The following CACHD1 variants were observed in gnomAD, a reference collection of about 807,000 sequenced individuals.
CACHD1 encodes cache domain containing 1, also known as VWFA and cache domain-containing protein 1.
In CACHD1, 71 loss-of-function variants were observed where a neutral mutation model predicts 138.7. That is an observed-to-expected ratio of 0.51 (90% CI 0.42 to 0.62). The LOEUF is 0.62. Ranked by LOEUF, CACHD1 falls within the 20% of genes least tolerant of loss-of-function variation. The probability of loss-of-function intolerance (pLI) is 0.00; values close to 1 mark genes in which losing one functional copy is unlikely to be tolerated. For missense variants in CACHD1, 1,389 were observed against 1,625.3 expected, an observed-to-expected ratio of 0.85 and a Z score of 2.50; for synonymous variants, 578 against 591.5, an observed-to-expected ratio of 0.98 and a Z score of 0.33.
intron 3 of CACHD1, among the ~76,000 whole-genome samples, chr1:64,587,825 C>T (rs1025660444): frequency 2.0e-5 from 3 of 152,176 alleles, no homozygotes; most frequent in African/African-American, 4.8e-5. Context: ...TGCATAATTA[C>T]ACCTATGGAC....
chr1:64,529,783 A>G (rs929677066), intron 1 of CACHD1, among the ~76,000 whole-genome samples: 1 of 152,194 alleles, frequency 6.6e-6, no homozygotes, highest in Non-Finnish European at 1.5e-5. Flanking sequence ...TCATTTTTGC[A>G]TAGGTCTTGC....
At chr1:64,582,387 G>A in intron 3 of CACHD1, 83 bp downstream of exon 3, 8 of 1,227,216 alleles carry the variant, frequency 6.5e-6, no homozygotes, top group Non-Finnish European at 8.1e-6. Context: ...AAATACCTGT[G>A]TTTATTTATT....
chr1:64,549,976 CA>C (rs1266247143), intron 1 of CACHD1, among the ~76,000 whole-genome samples: 2 of 151,988 alleles, frequency 1.3e-5, no homozygotes, highest in Non-Finnish European at 2.9e-5. Flanking sequence ...AGGCAGGGAC[CA>C]GTGGAAGAAT....
At chr1:64,535,239 C>T (rs981149195) in intron 1 of CACHD1, among the ~76,000 whole-genome samples, 1 of 151,944 alleles carries the variant, frequency 6.6e-6, no homozygotes, top group Non-Finnish European at 1.5e-5. Flanking sequence ...TCTTTCTTCC[C>T]TCTCCCTCCG....
rs1406128151 is a variant in CACHD1 at position 64,569,778 on chromosome 1, G to A, written c.262-12378G>A. On this transcript the variant is annotated intron_variant, in intron 2 of 26. Transcript: ENST00000651257. ...AGACCCTTGAAAAAAACATGGATCT[G>A]GGCTTTTTACTCAAATAGTCAAACT... Among the ~76,000 whole-genome samples the A allele has an allele frequency of 2.0e-5, 3 of 151,838 alleles. No homozygotes were observed. The East Asian group carries it at 5.8e-4, about 29-fold the overall frequency.
At position 64,470,868 on chromosome 1, in the gene CACHD1, C is replaced by T; in HGVS notation, c.124C>T (p.Leu42=). Residue 42 remains leucine (L), a synonymous_variant, in exon 1 of 27, where the codon CTG becomes TTG. Coordinates refer to ENST00000651257, the MANE Select transcript of CACHD1 (RefSeq NM_020925.4). This position sits in a 1 kb window ranked among gnomAD's most constrained non-coding sequence, Gnocchi z 5.2. ...CGGGGCCGAAGCCGACTTCTCCATC[C>T]TGGACGAGGCGCAAGTGCTGGCGAG... ...GAGAEADFSI[L]DEAQVLASQM... is the part of the protein sequence containing the mutation. The T allele has an allele frequency of 6.2e-7, 1 of 1,604,344 alleles. No homozygotes were observed. The highest frequency in any genetic ancestry group is 8.5e-7 in the Non-Finnish European group (1 of 1,177,970).
chr1:64,506,155 A>G (rs1646374815), intron 1 of CACHD1: 1 of 152,278 alleles, frequency 6.6e-6, no homozygotes, highest in African/African-American at 2.4e-5. Context: ...AAGGCCGACC[A>G]GGAACTGCCG....
intron 4 of CACHD1, among the ~76,000 whole-genome samples, chr1:64,610,957 C>T (rs1647510447): frequency 6.6e-6 from 1 of 152,206 alleles, no homozygotes; most frequent in African/African-American, 2.4e-5. Context: ...CAGAGGCTCC[C>T]AAACCTCGGC....
chr1:64,647,719 C>A, intron 8 of CACHD1, 82 bp from the exon 9 acceptor site: 1 of 1,157,680 alleles, frequency 8.6e-7, no homozygotes. Flanking sequence ...CATCCATGCC[C>A]GTATTTGATC....
intron 4 of CACHD1, among the ~76,000 whole-genome samples, chr1:64,623,639 A>G (rs1418497849): frequency 1.3e-5 from 2 of 152,164 alleles, no homozygotes; most frequent in Non-Finnish European, 2.9e-5. Flanking sequence ...GAACGTACCT[A>G]TAACACCGAT....
chr1:64,633,145 G>C (rs1252453394), intron 6 of CACHD1, among the ~76,000 whole-genome samples: 1 of 152,168 alleles, frequency 6.6e-6, no homozygotes, highest in Non-Finnish European at 1.5e-5. Flanking sequence ...AAAGTATCAG[G>C]AGCCTGGGAA....
At chr1:64,657,717 A>C (rs1027767905) in intron 12 of CACHD1, among the ~76,000 whole-genome samples, 1 of 152,184 alleles carries the variant, frequency 6.6e-6, no homozygotes, top group African/African-American at 2.4e-5. Flanking sequence ...TAACCTGCCT[A>C]GTTAAAATTT....
At chr1:64,632,239 A>C (rs1648331635) in intron 5 of CACHD1, among the ~76,000 whole-genome samples, 1 of 141,324 alleles carries the variant, frequency 7.1e-6, no homozygotes, top group South Asian at 2.5e-4. Context: ...AAGAACACTA[A>C]CATCCTGCTT....
chr1:64,543,402 C>CATACATATATAT (rs1553131373), intron 1 of CACHD1, among the ~76,000 whole-genome samples: 7 of 126,886 alleles, frequency 5.5e-5, no homozygotes, highest in African/African-American at 2.3e-4. Flanking sequence ...AAAAAAAATA[C>CATACATATATAT]ATATATATAT....
At chr1:64,564,111 C>A (rs1424154479) in intron 2 of CACHD1, among the ~76,000 whole-genome samples, 1 of 152,298 alleles carries the variant, frequency 6.6e-6, no homozygotes, top group Non-Finnish European at 1.5e-5. Context: ...GCATGCAGAG[C>A]CTTTTCTCTG....
intron 1 of CACHD1, among the ~76,000 whole-genome samples, chr1:64,480,290 G>A (rs957498960): frequency 2.0e-5 from 3 of 152,194 alleles, no homozygotes; most frequent in African/African-American, 7.2e-5. Flanking sequence ...CACACCAGTA[G>A]TAAGTGACAG....
chr1:64,616,207 G>A (rs2100605732), intron 4 of CACHD1, among the ~76,000 whole-genome samples: 1 of 152,238 alleles, frequency 6.6e-6, no homozygotes, highest in Admixed American at 6.5e-5. Flanking sequence ...TCAATTAACA[G>A]CAGCTTCATT....
chr1:64,521,453 G>T (rs1557473474), intron 1 of CACHD1, among the ~76,000 whole-genome samples: 1 of 152,204 alleles, frequency 6.6e-6, no homozygotes, highest in African/African-American at 2.4e-5. Context: ...GCTGTGCCAT[G>T]TAACATATAT....
chr1:64,679,239 C>G (rs776843710), intron 23 of CACHD1, among the ~76,000 whole-genome samples: 1 of 152,180 alleles, frequency 6.6e-6, no homozygotes, highest in East Asian at 1.9e-4. Flanking sequence ...TTACTCTGTA[C>G]TAGGTGACTT....
Sources: gnomAD v4.1 joint callset for allele counts (sites outside exome capture counted in the v4.1 genomes callset) on GRCh38, gnomAD v4.1.1 for gene constraint, Gnocchi (gnomAD v3.1) non-coding constraint, MANE v1.5 for transcripts, NCBI Gene and HGNC (gene_info 2026-07-23, HGNC 2026-07-21) for gene names.